PSMD3: variants seen among roughly 807,000 people sequenced by gnomAD.
The protein encoded by PSMD3 is 26S proteasome non-ATPase regulatory subunit 3.
Under a neutral mutation model 62.8 loss-of-function variants are expected in PSMD3, and 5 were observed. The observed-to-expected ratio is 0.08, with a 90% CI of 0.04 to 0.17. The LOEUF (loss-of-function observed/expected upper bound fraction) is 0.17. Among genes scored for constraint, PSMD3 ranks in the 10% least tolerant of loss-of-function variants. The pLI is 1.00. For synonymous variants in PSMD3, 265 were observed against 283.9 expected (o/e 0.93, Z 0.67); for missense variants, 524 against 713.6 (o/e 0.73, Z 3.03).
chr17:39,986,517 A>C, intron 2 of PSMD3, 58 bp from the exon 3 acceptor site: 1 of 1,589,456 alleles, frequency 6.3e-7, no homozygotes, highest in African/African-American at 1.3e-5. Context: ...ATGCTCAATA[A>C]ATTCTTGGTT....
At chr17:39,990,542 C>T (rs545497963) in intron 6 of PSMD3, among the ~76,000 whole-genome samples, 7 of 152,316 alleles carry the variant, frequency 4.6e-5, no homozygotes, top group South Asian at 4.1e-4. Flanking sequence ...AGCAATCCTT[C>T]GGCCTCTGCC....
chr17:39,987,645 G>T (rs1436383564), intron 3 of PSMD3, among the ~76,000 whole-genome samples: 1 of 152,088 alleles, frequency 6.6e-6, no homozygotes, highest in Non-Finnish European at 1.5e-5. Context: ...ACTGCGCCTG[G>T]CCCACTGTTT....
At position 39,995,707 on chromosome 17, in the gene PSMD3, A is replaced by G. The variant is rs8070444; in HGVS notation, c.1320+180A>G. Reference sequence around the variant, plus strand: ...GTTGCCAGAGAGAGCATGGATGTGCATGTGAGTGTGTGAGTGTAGGTGTGT... The same window carrying G: ...GTTGCCAGAGAGAGCATGGATGTGCGTGTGAGTGTGTGAGTGTAGGTGTGT... On this transcript the variant is annotated intron_variant, in intron 9 of 11. Transcript: ENST00000264639. The surrounding 1 kb of genome is among the most constrained non-coding windows in gnomAD (Gnocchi z 4.1). 347,529 of 642,922 alleles carry G rather than the reference A, an allele frequency of 0.54. 95,521 individuals carry two copies. Among genetic ancestry groups the G allele is most frequent in the Middle Eastern group, 0.71 (1,696 of 2,392 alleles). The allele number at this position is 642,922 out of a possible 1,614,324, so 39.8% of individuals were successfully genotyped here.
At chr17:39,989,951 A>T in intron 5 of PSMD3, 22 bp downstream of exon 5, 1 of 1,603,408 alleles carries the variant, frequency 6.2e-7, no homozygotes, top group Non-Finnish European at 8.5e-7. Flanking sequence ...GGCCCAACCC[A>T]TAAATCAGAA....
chr17:39,984,960 G>A (rs1293379509), intron 2 of PSMD3, among the ~76,000 whole-genome samples: 1 of 151,624 alleles, frequency 6.6e-6, no homozygotes, highest in Non-Finnish European at 1.5e-5. Context: ...AGCACTTTGG[G>A]AGGCTGAGGC....
chr17:39,984,457 A>G lies in PSMD3; in HGVS notation c.384A>G (p.Arg128=). The stretch of plus-strand genomic sequence containing the variant: ...TCTTCACTTCAAATAATGCCACTCG[A>G]GACTTTTTGCTCCCCTTCCTGGAAG... ...QGFFTSNNAT[R]DFLLPFLEEP... The change falls in exon 2 of 12, where the codon CGA becomes CGG. Residue 128 remains arginine, a synonymous_variant. Coordinates refer to ENST00000264639, the MANE Select transcript of PSMD3 (RefSeq NM_002809.4). 2 of 1,612,452 alleles carry G rather than the reference A, an allele frequency of 1.2e-6. No homozygotes were observed. The highest frequency in any genetic ancestry group is 1.3e-5 in the African/African-American group (1 of 74,946).
chr17:39,984,517 G>A (rs755702441), intron 2 of PSMD3, 33 bp downstream of exon 2: 7 of 1,552,084 alleles, frequency 4.5e-6, no homozygotes, highest in Non-Finnish European at 4.4e-6. Context: ...AAGGGTGCAG[G>A]CCTGGCCTCA....
chr17:39,988,823 C>T lies in PSMD3; in HGVS notation c.686+4C>T, dbSNP rs759541898. 1 of 1,613,328 alleles carries T rather than the reference C, an allele frequency of 6.2e-7. No homozygotes were observed. Among genetic ancestry groups the T allele is most frequent in the Non-Finnish European group, 8.5e-7 (1 of 1,179,974 alleles). On this transcript the variant is annotated splice_donor_region_variant and intron_variant, in intron 4 of 11. Transcript: ENST00000264639. Reference sequence around the variant, plus strand: ...ACAAGCTGGATGTGGTGCGCAGGTACAGGCAGCCAAGCATCTCACTTGGGG... The same window carrying T: ...ACAAGCTGGATGTGGTGCGCAGGTATAGGCAGCCAAGCATCTCACTTGGGG...
chr17:39,981,394 C>CCCATCCCCT (rs1980381651), intron 1 of PSMD3, among the ~76,000 whole-genome samples: 1 of 152,228 alleles, frequency 6.6e-6, no homozygotes, highest in Non-Finnish European at 1.5e-5. Context: ...CCACTCCCCT[C>CCCATCCCCT]CCATCCCCTC....
chr17:39,989,780 A>G lies in PSMD3; in HGVS notation c.728A>G (p.Asp243Gly), dbSNP rs1410620727. The change falls in exon 5 of 12, where the codon GAC (aspartate) becomes GGC (glycine). Residue 243 changes from aspartate to glycine, a missense_variant. Physicochemically the swap from Asp to Gly is moderately conservative, Grantham distance 94. Coordinates refer to ENST00000264639, the MANE Select transcript of PSMD3 (RefSeq NM_002809.4). ...CTCCGGACAGCTACGCTTCGGCATG[A>G]CGCAGACGGGCAGGCCACCCTGTTG... Reference protein sequence around the residue: ...ARLRTATLRHDADGQATLLNL... With the variant: ...ARLRTATLRHGADGQATLLNL... The G allele has an allele frequency of 1.2e-6, 2 of 1,613,990 alleles. No homozygotes were observed. The highest frequency in any genetic ancestry group is 1.7e-6 in the Non-Finnish European group (2 of 1,180,042).
rs534877408 is a variant in PSMD3, at chr17:39,982,128, A to G, written c.220+938A>G. On this transcript the variant is annotated intron_variant, in intron 1 of 11. Coordinates refer to ENST00000264639, the MANE Select transcript of PSMD3 (RefSeq NM_002809.4). The stretch of plus-strand genomic sequence containing the variant: ...CAAAAACATTGAGATAAGCAAAGTT[A>G]TCCTCCTAGGTGGTGCTTTTGAGGA... Among the ~76,000 whole-genome samples, 27 of 152,342 alleles carry G rather than the reference A, an allele frequency of 1.8e-4. No individual in the cohort carries two copies. In the South Asian group the frequency reaches 5.6e-3, roughly 32 times the overall value.
At chr17:39,982,511 T>C (rs1452808609) in intron 1 of PSMD3, among the ~76,000 whole-genome samples, 1 of 152,280 alleles carries the variant, frequency 6.6e-6, no homozygotes, top group Non-Finnish European at 1.5e-5. Flanking sequence ...TTAACATTCG[T>C]AAACATAATC....
At chr17:39,997,434 G>A (rs1667970100) in intron 11 of PSMD3, 54 bp downstream of exon 11, 1 of 1,593,714 alleles carries the variant, frequency 6.3e-7, no homozygotes, top group Non-Finnish European at 8.5e-7. Context: ...CACACAGAAG[G>A]GGAGTCGGGC....
chr17:39,990,229 C>CTTTTT (rs4065322), intron 6 of PSMD3, 32 bp downstream of exon 6: 62 of 1,156,186 alleles, frequency 5.4e-5, no homozygotes, highest in Non-Finnish European at 5.9e-5. Flanking sequence ...CCCTTTGCCT[C>CTTTTT]TTTTTTTTTT....
rs199596404 is a variant in PSMD3 at position 39,997,310 on chromosome 17, C to T, written c.1477-20C>T. ...CCTGCTTCCTTCCCTCGCTCATCTC[C>T]TCTCTTTGCTGTGCCCCAGGCCATG... On this transcript the variant is annotated intron_variant, in intron 10 of 11. Coordinates refer to ENST00000264639, the MANE Select transcript of PSMD3 (RefSeq NM_002809.4). The T allele has an allele frequency of 9.9e-5, 159 of 1,613,722 alleles. 1 individual carries two copies. In the African/African-American group the frequency reaches 1.5e-3, roughly 15 times the overall value.
chr17:39,992,110 G>A (rs1044864578), intron 6 of PSMD3, among the ~76,000 whole-genome samples: 7 of 151,838 alleles, frequency 4.6e-5, no homozygotes, highest in East Asian at 3.9e-4. Flanking sequence ...AGACACACAG[G>A]GTGCGTGAGC....
At position 39,995,022 on chromosome 17, in the gene PSMD3, G is replaced by A. The variant is rs539944094; in HGVS notation, c.1050G>A (p.Gln350=). ...TCCCTGACCGGCTGCAGTTCCGCCA[G>A]CCCTCCCTCAAGCGCTCACTCATGC... ...GEIPDRLQFR[Q]PSLKRSLMPY... Residue 350 remains glutamine (Q), a synonymous_variant, in exon 7 of 12, where the codon CAG becomes CAA. Coordinates refer to ENST00000264639, the MANE Select transcript of PSMD3 (RefSeq NM_002809.4). The surrounding 1 kb of genome is among the most constrained non-coding windows in gnomAD (Gnocchi z 4.1). The A allele has an allele frequency of 2.5e-6, 4 of 1,614,114 alleles. 1 individual carries two copies. The Admixed American group carries it at 6.7e-5, about 27-fold the overall frequency.
Position 39,981,083 on chromosome 17 carries a change from A to T in PSMD3, c.113A>T (p.Lys38Ile). Residue 38 changes from lysine to isoleucine, a missense_variant, in exon 1 of 12, where the codon AAA (lysine) becomes ATA (isoleucine). Physicochemically the swap from Lys to Ile is moderately radical, Grantham distance 102. Transcript: ENST00000264639. ...CCGGCCCCCCAGGATGTGGAGATGA[A>T]AGAGGAGGCAGCGACGGGTGGCGGG... Reference protein sequence around the residue: ...PPPAPQDVEMKEEAATGGGST... With the variant: ...PPPAPQDVEMIEEAATGGGST... 2.1e-5 allele frequency: 33 copies of T among 1,550,700 alleles called. No homozygotes were observed. The highest frequency in any genetic ancestry group is 2.6e-5 in the Non-Finnish European group (30 of 1,146,760).
Position 39,986,643 on chromosome 17 carries a change from G to A in PSMD3, c.480G>A (p.Leu160=), listed in dbSNP as rs1280889363. Residue 160 remains leucine, a synonymous_variant, in exon 3 of 12, where the codon CTG becomes CTA. Coordinates refer to ENST00000264639, the MANE Select transcript of PSMD3 (RefSeq NM_002809.4). ...RTGKAASTPL[L]PEVEAYLQLL... The stretch of plus-strand genomic sequence containing the variant: ...GAAAAGCTGCGTCGACACCCCTCCT[G>A]CCTGAAGTGGAAGCCTATCTCCAAC... 14 of 1,614,136 alleles carry A rather than the reference G, an allele frequency of 8.7e-6. No homozygotes were observed. The highest frequency in any genetic ancestry group is 1.2e-5 in the Non-Finnish European group (14 of 1,180,028).
Sources: allele counts gnomAD v4.1 joint callset (sites outside exome capture counted in the v4.1 genomes callset), GRCh38; gene constraint gnomAD v4.1.1; non-coding constraint Gnocchi (gnomAD v3.1); transcripts MANE v1.5; gene names NCBI Gene and HGNC (gene_info 2026-07-23, HGNC 2026-07-21).